KCNMA1: variants seen among roughly 807,000 people sequenced by gnomAD.
The protein encoded by KCNMA1 is potassium calcium-activated channel subfamily M alpha 1, also known as Calcium-activated potassium channel subunit alpha-1.
In KCNMA1, 29 loss-of-function variants were observed where a neutral mutation model predicts 140.0. The observed-to-expected ratio is 0.21, with a 90% confidence interval of 0.15 to 0.28. The LOEUF is 0.28. Ranked by LOEUF, KCNMA1 falls within the 10% of genes least tolerant of loss-of-function variation. The pLI is 1.00. For synonymous variants in KCNMA1, 612 were observed against 611.9 expected (o/e 1.00, Z 0.00); for missense variants, 880 against 1,602.2 (o/e 0.55, Z 7.70).
chr10:77,021,851 A>C (rs1230383790), intron 16 of KCNMA1, among the ~76,000 whole-genome samples: 1 of 152,194 alleles, frequency 6.6e-6, no homozygotes, highest in African/African-American at 2.4e-5. Flanking sequence ...CAGTCCTTGA[A>C]ATAATGAAAG....
chr10:77,072,004 C>T (rs890245455), intron 14 of KCNMA1, among the ~76,000 whole-genome samples: 16 of 152,292 alleles, frequency 1.1e-4, no homozygotes, highest in African/African-American at 3.8e-4. Flanking sequence ...TCCTCAAAAC[C>T]ATCAAGGAAC....
At chr10:76,873,880 A>G (rs1265815703), downstream of KCNMA1, 1 of 152,216 alleles carries the variant, frequency 6.6e-6, no homozygotes, top group African/African-American at 2.4e-5. Context: ...AAAATAACCA[A>G]ATAAACAGAG....
chr10:76,915,674 G>A (rs772588430), intron 23 of KCNMA1, among the ~76,000 whole-genome samples: 3 of 152,104 alleles, frequency 2.0e-5, no homozygotes, highest in Non-Finnish European at 4.4e-5. Context: ...GACTGTTACC[G>A]TAAACCAATC....
intron 1 of KCNMA1, among the ~76,000 whole-genome samples, chr10:77,621,534 AC>A (rs2091380120): frequency 2.0e-5 from 3 of 152,052 alleles, no homozygotes; most frequent in African/African-American, 7.3e-5. Context: ...ACACACACAC[AC>A]ACACACACAC....
intron 20 of KCNMA1, among the ~76,000 whole-genome samples, chr10:76,966,683 C>T (rs982439802): frequency 1.3e-5 from 2 of 152,132 alleles, no homozygotes; most frequent in East Asian, 1.9e-4. Context: ...AGGAAAACTA[C>T]GGGAGGCTCC....
intron 1 of KCNMA1, among the ~76,000 whole-genome samples, chr10:77,524,255 C>T (rs1199117514): frequency 6.6e-6 from 1 of 152,130 alleles, no homozygotes; most frequent in African/African-American, 2.4e-5. Context: ...ATAAAGAAAG[C>T]GAGGTCTCCA....
chr10:77,000,900 A>ATATATATATC (rs1412998914), intron 19 of KCNMA1, among the ~76,000 whole-genome samples: 2 of 128,788 alleles, frequency 1.6e-5, no homozygotes, highest in African/African-American at 5.8e-5. Context: ...ATATATATAT[A>ATATATATATC]TCCATCTGCA....
chr10:77,428,184 A>G (rs1047276612), intron 1 of KCNMA1, among the ~76,000 whole-genome samples: 1 of 152,208 alleles, frequency 6.6e-6, no homozygotes, highest in Admixed American at 6.5e-5. Context: ...CCCTCTCTAC[A>G]GGTGGGAAGA....
At chr10:77,070,949 T>C (rs73290350) in intron 14 of KCNMA1, among the ~76,000 whole-genome samples, 20,421 of 152,152 alleles carry the variant, frequency 0.13, 1,657 homozygotes, top group Admixed American at 0.18. Flanking sequence ...ACAAAGACCA[T>C]CTCAGTGTCA....
intron 1 of KCNMA1, among the ~76,000 whole-genome samples, chr10:77,604,921 C>T (rs2083902048): frequency 6.6e-6 from 1 of 152,128 alleles, no homozygotes; most frequent in Admixed American, 6.5e-5. Flanking sequence ...CTTGGGCCAC[C>T]CACCATATGC....
At chr10:77,052,311 T>C (rs1364074774) in intron 14 of KCNMA1, among the ~76,000 whole-genome samples, 3 of 152,234 alleles carry the variant, frequency 2.0e-5, no homozygotes, top group Admixed American at 2.0e-4. Context: ...GATATGATGA[T>C]AAGGGAGAAG....
At chr10:77,629,317 C>T (rs114577869) in intron 1 of KCNMA1, among the ~76,000 whole-genome samples, 11 of 152,270 alleles carry the variant, frequency 7.2e-5, no homozygotes, top group African/African-American at 2.6e-4. Context: ...CAAACAACTG[C>T]CCATTATGAA....
chr10:77,187,822 C>A (rs1331081125), intron 3 of KCNMA1, among the ~76,000 whole-genome samples: 21 of 152,038 alleles, frequency 1.4e-4, no homozygotes, highest in Non-Finnish European at 1.0e-4. Flanking sequence ...TTATCAGATC[C>A]CCTCTGAGAT....
chr10:76,893,723 G>C (rs2041243176), intron 25 of KCNMA1, among the ~76,000 whole-genome samples: 2 of 152,182 alleles, frequency 1.3e-5, no homozygotes, highest in African/African-American at 4.8e-5. Context: ...CTGGGTGACA[G>C]AGTGAGATTC....
At chr10:76,877,718 A>T, downstream of KCNMA1, 1 of 1,548,814 alleles carries the variant, frequency 6.5e-7, no homozygotes, top group Non-Finnish European at 8.7e-7. Flanking sequence ...CTTTAAAAAA[A>T]TAGTTCTGGT....
intron 14 of KCNMA1, among the ~76,000 whole-genome samples, chr10:77,040,041 C>G (rs990120178): frequency 2.7e-5 from 4 of 148,042 alleles, no homozygotes; most frequent in African/African-American, 9.8e-5. Flanking sequence ...CATCACCACA[C>G]CTGGCAATTT....
intron 23 of KCNMA1, among the ~76,000 whole-genome samples, chr10:76,941,148 GGGAAGGGAGGGAAGGGAA>G (rs1428485439): frequency 4.7e-5 from 4 of 85,850 alleles, no homozygotes; most frequent in African/African-American, 1.6e-4. Context: ...GGGAAGGGAA[GGGAAGGGAGGGAAGGGAA>G]GGAAGGAAGG....
chr10:77,073,297 T>G (rs1217473506), intron 13 of KCNMA1, 45 bp from the exon 14 acceptor site: 1 of 1,598,522 alleles, frequency 6.3e-7, no homozygotes, highest in Non-Finnish European at 8.6e-7. Flanking sequence ...TGTTAAATGT[T>G]CAATTGTTTA....
intron 14 of KCNMA1, among the ~76,000 whole-genome samples, chr10:77,047,490 T>C (rs1239541218): frequency 6.6e-6 from 1 of 151,832 alleles, no homozygotes; most frequent in Admixed American, 6.6e-5. Context: ...GAACTGAAGG[T>C]AAAGGAAGGG....
Sources: allele counts gnomAD v4.1 joint callset (sites outside exome capture counted in the v4.1 genomes callset), GRCh38; gene constraint gnomAD v4.1.1; transcripts MANE v1.5; gene names NCBI Gene and HGNC (gene_info 2026-07-23, HGNC 2026-07-21).